PGM3: variants seen among roughly 807,000 people sequenced by gnomAD.
The protein encoded by PGM3 is phosphoacetylglucosamine mutase.
Under a neutral mutation model 66.2 loss-of-function variants are expected in PGM3, and 40 were observed. The ratio of observed to expected loss-of-function variants is 0.60; its 90% CI spans 0.47 to 0.79. PGM3 has a LOEUF of 0.79. PGM3 is among the 30% of genes least tolerant of loss of function. The pLI, the probability that PGM3 is intolerant of heterozygous loss-of-function variation, is 0.00. For missense variants in PGM3, 537 were observed against 643.4 expected (o/e 0.83, Z 1.79); for synonymous variants, 191 against 224.2 (o/e 0.85, Z 1.32).
chr6:83,184,912 ACT>A (rs1279495825), intron 4 of PGM3, among the ~76,000 whole-genome samples: 1 of 151,486 alleles, frequency 6.6e-6, no homozygotes, highest in Non-Finnish European at 1.5e-5. Context: ...TTACCTCCCT[ACT>A]CTCTTCTCCT....
Position 83,188,772 on chromosome 6 carries a change from A to G in PGM3, c.231T>C (p.Asp77=). 1 of 1,614,092 alleles carries G rather than the reference A, an allele frequency of 6.2e-7. No homozygotes were observed. The highest frequency in any genetic ancestry group is 2.2e-5 in the East Asian group (1 of 44,860). The change falls in exon 3 of 13, where the codon GAT becomes GAC. Residue 77 remains aspartate (D), a synonymous_variant. Transcript: ENST00000513973. ...ATGGTGCCAACATTTCACCCAAAGG[A>G]TCAACCAATTTTACACCATTGTCTT... ...PEEDNGVKLV[D]PLGEMLAPSW...
chr6:83,181,973 T>C, intron 5 of PGM3, 42 bp from the exon 6 acceptor site: 2 of 1,342,302 alleles, frequency 1.5e-6, no homozygotes, highest in Non-Finnish European at 2.0e-6. Context: ...TTTCAAGTTA[T>C]AAAAATAAAT....
the PGM3 span, chr6:83,154,041 T>C: frequency 1.9e-6 from 3 of 1,613,954 alleles, no homozygotes; most frequent in Admixed American, 5.0e-5. Context: ...CTTGTGTTAA[T>C]CAGTAAGTTG....
At chr6:83,183,662 C>CTGTT (rs1374322262) in intron 4 of PGM3, among the ~76,000 whole-genome samples, 2 of 152,168 alleles carry the variant, frequency 1.3e-5, no homozygotes, top group African/African-American at 2.4e-5. Flanking sequence ...TGTTACCAAG[C>CTGTT]ACAGGCCCTT....
downstream of PGM3, among the ~76,000 whole-genome samples, chr6:83,164,358 A>G (rs1395128339): frequency 6.6e-6 from 1 of 151,804 alleles, no homozygotes; most frequent in Non-Finnish European, 1.5e-5. Flanking sequence ...GGTACTTTCA[A>G]TTTGATATCT....
chr6:83,187,196 G>A (rs1038194630), intron 3 of PGM3, 121 bp from the exon 4 acceptor site: 1 of 590,826 alleles, frequency 1.7e-6, no homozygotes, highest in African/African-American at 1.9e-5. Flanking sequence ...CCTGGTATCT[G>A]AACTGAAAGC....
rs901767467 is a variant in PGM3 at position 83,165,658 on chromosome 6, C to A, written c.*3576G>T. On this transcript the variant is annotated 3_prime_UTR_variant, in exon 13 of 13. Transcript: ENST00000513973. ...TTGTGGAAGCAATTTCCCTGCAAAA[C>A]GTTGCTGAGATGCCTAAAGAAGTGG... 1 of 202,306 alleles carries A rather than the reference C, an allele frequency of 4.9e-6. No individual in the cohort carries two copies. Among genetic ancestry groups the A allele is most frequent in the Admixed American group, 5.2e-5 (1 of 19,116 alleles). The allele number at this position is 202,306 out of a possible 1,614,324, so 12.5% of individuals were successfully genotyped here.
chr6:83,191,620 AC>A (rs1789063442), intron 1 of PGM3, among the ~76,000 whole-genome samples: 1 of 152,178 alleles, frequency 6.6e-6, no homozygotes, highest in African/African-American at 2.4e-5. Context: ...CAATCAGGAC[AC>A]CCTTCTAAGA....
At chr6:83,188,256 A>C (rs1788742448) in intron 3 of PGM3, among the ~76,000 whole-genome samples, 1 of 152,234 alleles carries the variant, frequency 6.6e-6, no homozygotes, top group Non-Finnish European at 1.5e-5. Flanking sequence ...ATTACAAAGT[A>C]AATCTTTAAA....
chr6:83,172,169 G>A, intron 10 of PGM3, 110 bp from the exon 11 acceptor site: 1 of 1,060,854 alleles, frequency 9.4e-7, no homozygotes, highest in South Asian at 1.5e-5. Context: ...ACCTGAATCT[G>A]AAACATGCTG....
chr6:83,163,328 A>T (rs982409380), downstream of PGM3, among the ~76,000 whole-genome samples: 9 of 152,180 alleles, frequency 5.9e-5, no homozygotes, highest in Non-Finnish European at 7.3e-5. Flanking sequence ...TGACAAACAA[A>T]AGTATGAGTT....
chr6:83,170,249 T>C, intron 12 of PGM3, 56 bp downstream of exon 12: 1 of 1,499,432 alleles, frequency 6.7e-7, no homozygotes, highest in Non-Finnish European at 9.2e-7. Flanking sequence ...TTAAAATAGT[T>C]TGCCTGCCCA....
At position 83,167,531 on chromosome 6, in the gene PGM3, A is replaced by C. The variant is rs969727382; in HGVS notation, c.*1703T>G. The C allele has an allele frequency of 9.8e-7, 1 of 1,025,226 alleles. No individual in the cohort carries two copies. Among genetic ancestry groups the C allele is most frequent in the Non-Finnish European group, 1.2e-6 (1 of 856,790 alleles). The allele number at this position is 1,025,226 out of a possible 1,614,324, so 63.5% of individuals were successfully genotyped here. On this transcript the variant is annotated 3_prime_UTR_variant, in exon 13 of 13. Transcript: ENST00000513973. ...TTGGTTACAGTAGTGAGGGTTCAGA[A>C]ACCTGGGAGCTTTTTGAGTAAATAC...
At chr6:83,187,351 T>C (rs1209074266) in intron 3 of PGM3, among the ~76,000 whole-genome samples, 2 of 152,176 alleles carry the variant, frequency 1.3e-5, no homozygotes, top group African/African-American at 2.4e-5. Context: ...AAATACCTTT[T>C]CAAGTTCGAC....
At chr6:83,151,734 ATAAACT>A in the PGM3 span, 3 of 1,496,910 alleles carry the variant, frequency 2.0e-6, no homozygotes, top group South Asian at 3.7e-5. Flanking sequence ...GTCAAATAAA[ATAAACT>A]GAAGTTTCTT....
At chr6:83,192,851 T>G (rs1205080726) in intron 1 of PGM3, among the ~76,000 whole-genome samples, 1 of 152,048 alleles carries the variant, frequency 6.6e-6, no homozygotes, top group Non-Finnish European at 1.5e-5. Context: ...CCCCCTACTC[T>G]CCATTCAATC....
chr6:83,173,968 C>T (rs1787549918), intron 10 of PGM3, among the ~76,000 whole-genome samples: 2 of 151,910 alleles, frequency 1.3e-5, no homozygotes, highest in African/African-American at 4.9e-5. Context: ...GATCTCCTGA[C>T]CTCGTGATCC....
At chr6:83,158,146 C>T (rs1783257927), downstream of PGM3, among the ~76,000 whole-genome samples, 1 of 152,002 alleles carries the variant, frequency 6.6e-6, no homozygotes, top group African/African-American at 2.4e-5. Context: ...CTACAGGCAC[C>T]TGCCACCACA....
the PGM3 span, among the ~76,000 whole-genome samples, chr6:83,149,538 C>T: frequency 6.6e-6 from 1 of 152,044 alleles, no homozygotes; most frequent in Non-Finnish European, 1.5e-5. Context: ...GAAAATAAGA[C>T]TGAATGAAAA....
Sources: allele counts gnomAD v4.1 joint callset (sites outside exome capture counted in the v4.1 genomes callset), GRCh38; gene constraint gnomAD v4.1.1; transcripts MANE v1.5; gene names NCBI Gene and HGNC (gene_info 2026-07-23, HGNC 2026-07-21).